The following SPSB4 variants were observed in gnomAD, a reference collection of about 807,000 sequenced individuals.
The protein encoded by SPSB4 is splA/ryanodine receptor domain and SOCS box containing 4.
In SPSB4, 21 loss-of-function variants were observed where a neutral mutation model predicts 20.9. The ratio of observed to expected loss-of-function variants is 1.01; its 90% confidence interval spans 0.71 to 1.45. The LOEUF (loss-of-function observed/expected upper bound fraction) is 1.45, where lower values mean the gene tolerates loss of function less well. Among genes scored for constraint, SPSB4 ranks in the 40% most tolerant of loss-of-function variants. SPSB4 has a pLI of 0.00. For synonymous variants in SPSB4, 207 were observed against 183.8 expected (o/e 1.13, Z -1.02); for missense variants, 399 against 399.2 (o/e 1.00, Z 0.00).
intron 2 of SPSB4, among the ~76,000 whole-genome samples, chr3:141,093,572 C>A (rs549721985): frequency 1.3e-5 from 2 of 152,238 alleles, no homozygotes; most frequent in South Asian, 2.1e-4. Context: ...GGGCTTGAGA[C>A]CCATGGTGGA....
chr3:141,139,127 AG>A (rs1939278295), intron 2 of SPSB4, among the ~76,000 whole-genome samples: 1 of 152,024 alleles, frequency 6.6e-6, no homozygotes, highest in African/African-American at 2.4e-5. Flanking sequence ...GTTGGTTTAA[AG>A]TCTGTTTTAT....
chr3:141,076,238 C>T (rs1474848221), intron 2 of SPSB4, among the ~76,000 whole-genome samples: 1 of 152,240 alleles, frequency 6.6e-6, no homozygotes, highest in East Asian at 1.9e-4. Context: ...TCAGGCCTTG[C>T]TTGGCCCTGC....
chr3:141,074,258 C>T (rs1363665976), intron 2 of SPSB4, among the ~76,000 whole-genome samples: 2 of 152,102 alleles, frequency 1.3e-5, no homozygotes, highest in Non-Finnish European at 2.9e-5. Flanking sequence ...GAAAAACAAA[C>T]TTACTTTGCT....
intron 1 of SPSB4, among the ~76,000 whole-genome samples, chr3:141,057,973 A>G (rs993582788): frequency 6.6e-6 from 1 of 152,198 alleles, no homozygotes; most frequent in African/African-American, 2.4e-5. Flanking sequence ...TATGCTTTTC[A>G]GCAGCCTGAG....
chr3:141,134,882 C>CTT (rs759838468), intron 2 of SPSB4, among the ~76,000 whole-genome samples: 48 of 136,206 alleles, frequency 3.5e-4, no homozygotes, highest in Admixed American at 1.0e-3. Flanking sequence ...GGAATAGTTT[C>CTT]TTTTTTTTTT....
intron 1 of SPSB4, among the ~76,000 whole-genome samples, chr3:141,054,010 C>A (rs948770171): frequency 1.3e-5 from 2 of 152,214 alleles, no homozygotes; most frequent in Non-Finnish European, 2.9e-5. Flanking sequence ...GCCTAGAATA[C>A]TTTTCCTCCT....
chr3:141,092,374 C>A (rs1199818026), intron 2 of SPSB4, among the ~76,000 whole-genome samples: 2 of 152,220 alleles, frequency 1.3e-5, no homozygotes, highest in Non-Finnish European at 2.9e-5. Flanking sequence ...AAACTACATT[C>A]AACCAAAGCC....
intron 2 of SPSB4, among the ~76,000 whole-genome samples, chr3:141,067,480 TA>T: frequency 6.6e-6 from 1 of 152,342 alleles, no homozygotes; most frequent in East Asian, 1.9e-4. Flanking sequence ...TTCCAATTTT[TA>T]AAGTTGACAG....
chr3:141,137,852 A>G (rs1046968020), intron 2 of SPSB4, among the ~76,000 whole-genome samples: 13 of 152,206 alleles, frequency 8.5e-5, no homozygotes, highest in African/African-American at 3.1e-4. Flanking sequence ...GCCTCATAAA[A>G]TGAGTTAGGG....
At chr3:141,127,815 G>A (rs367942631) in intron 2 of SPSB4, among the ~76,000 whole-genome samples, 1 of 152,228 alleles carries the variant, frequency 6.6e-6, no homozygotes, top group Non-Finnish European at 1.5e-5. Context: ...TGCATGGCAG[G>A]TCAGGGAAAG....
intron 1 of SPSB4, among the ~76,000 whole-genome samples, chr3:141,055,764 C>G (rs1002180155): frequency 6.6e-6 from 1 of 152,138 alleles, no homozygotes; most frequent in Non-Finnish European, 1.5e-5. Flanking sequence ...CCTGCAGATT[C>G]CGAGGTGCAC....
At chr3:141,098,271 G>C in intron 2 of SPSB4, among the ~76,000 whole-genome samples, 1 of 152,016 alleles carries the variant, frequency 6.6e-6, no homozygotes, top group East Asian at 1.9e-4. Context: ...TTTTGTGTTT[G>C]TTTTTTTGAA....
intron 2 of SPSB4, among the ~76,000 whole-genome samples, chr3:141,076,391 C>T (rs1444395746): frequency 6.6e-6 from 1 of 152,226 alleles, no homozygotes; most frequent in Admixed American, 6.5e-5. Context: ...CGAGTAAATC[C>T]ACACTCTTAT....
chr3:141,089,935 C>A (rs1938418674), intron 2 of SPSB4, among the ~76,000 whole-genome samples: 2 of 152,128 alleles, frequency 1.3e-5, no homozygotes. Flanking sequence ...TAAAATCTTG[C>A]AGTGGGGTGG....
intron 1 of SPSB4, among the ~76,000 whole-genome samples, chr3:141,060,312 C>G (rs1218127324): frequency 6.6e-6 from 1 of 152,200 alleles, no homozygotes; most frequent in African/African-American, 2.4e-5. Flanking sequence ...CCACAGTTGG[C>G]ATGGTTGTGT....
At chr3:141,146,311 G>A (rs527902708) in intron 2 of SPSB4, among the ~76,000 whole-genome samples, 19 of 152,182 alleles carry the variant, frequency 1.2e-4, no homozygotes, top group East Asian at 1.9e-4. Context: ...AATGTAACCC[G>A]CTGCTGACCA....
chr3:141,066,353 C>T lies in SPSB4; in HGVS notation c.249C>T (p.Ser83=). The T allele has an allele frequency of 1.3e-6, 2 of 1,560,998 alleles. No individual in the cohort carries two copies. The highest frequency in any genetic ancestry group is 1.9e-5 in the Admixed American group (1 of 52,490). ...LTFHRHPVAQ[S]TDGIRGKVGH... The stretch of plus-strand genomic sequence containing the variant: ...TCCACCGGCACCCCGTGGCCCAGAG[C>T]ACCGACGGCATCCGCGGCAAGGTGG... The change falls in exon 2 of 3, where the codon AGC becomes AGT. Residue 83 remains serine, a synonymous_variant. Coordinates refer to ENST00000310546, the MANE Select transcript of SPSB4 (RefSeq NM_080862.3).
chr3:141,135,501 C>T (rs1939212425), intron 2 of SPSB4, among the ~76,000 whole-genome samples: 1 of 150,846 alleles, frequency 6.6e-6, no homozygotes, highest in African/African-American at 2.4e-5. Context: ...CCTCCCCCCA[C>T]CCCACACCAG....
chr3:141,145,455 G>A (rs933500682), intron 2 of SPSB4, among the ~76,000 whole-genome samples: 3 of 151,998 alleles, frequency 2.0e-5, no homozygotes, highest in African/African-American at 7.2e-5. Flanking sequence ...CTCGACTCTT[G>A]ACTACATTCC....
Sources: gnomAD v4.1 joint callset for allele counts (sites outside exome capture counted in the v4.1 genomes callset) on GRCh38, gnomAD v4.1.1 for gene constraint, MANE v1.5 for transcripts, NCBI Gene and HGNC (gene_info 2026-07-23, HGNC 2026-07-21) for gene names.